VPS45: variants seen among roughly 807,000 people sequenced by gnomAD.
The protein encoded by VPS45 is vacuolar protein sorting-associated protein 45.
A neutral mutation model predicts 75.9 loss-of-function variants in VPS45; 35 were observed. The ratio of observed to expected loss-of-function variants is 0.46; its 90% CI spans 0.35 to 0.61. VPS45 has a LOEUF of 0.61. Among genes scored for constraint, VPS45 ranks in the 20% least tolerant of loss-of-function variants. VPS45 has a pLI of 0.00. For synonymous variants in VPS45, 220 were observed against 238.2 expected (o/e 0.92, Z 0.70); for missense variants, 559 against 685.9 (o/e 0.81, Z 2.07).
intron 14 of VPS45, among the ~76,000 whole-genome samples, chr1:150,119,684 C>G (rs1658130013): frequency 6.6e-6 from 1 of 152,180 alleles, no homozygotes; most frequent in African/African-American, 2.4e-5. Flanking sequence ...CCCCAATAAA[C>G]AGGAAAGAAA....
rs1654819441 is a variant in VPS45 at position 150,067,964 on chromosome 1, T to G, written c.93+14T>G. The G allele has an allele frequency of 6.2e-7, 1 of 1,613,098 alleles. No homozygotes were observed. Among genetic ancestry groups the G allele is most frequent in the Non-Finnish European group, 8.5e-7 (1 of 1,179,010 alleles). On this transcript the variant is annotated intron_variant, in intron 1 of 14. Coordinates refer to ENST00000644510, the MANE Select transcript of VPS45 (RefSeq NM_007259.5). Reference sequence around the variant, plus strand: ...GATAAAGAGACGGTGAGTTTGCTTTTGCTCAGCATTTGTGAAGGAACCCTC... The same window carrying G: ...GATAAAGAGACGGTGAGTTTGCTTTGGCTCAGCATTTGTGAAGGAACCCTC...
upstream of VPS45, chr1:150,067,682 C>A: frequency 1.7e-6 from 1 of 593,766 alleles, no homozygotes; most frequent in South Asian, 2.2e-5. Context: ...CCGGGGTAGG[C>A]TTGGTCCCCT....
rs782392804 is a variant in VPS45, at chr1:150,145,261, C to G, written c.*465C>G. The G allele has an allele frequency of 2.7e-5, 5 of 186,486 alleles. No homozygotes were observed. The highest frequency in any genetic ancestry group is 5.8e-5 in the Admixed American group (1 of 17,166). 11.6% of individuals were successfully genotyped at this position (186,486 alleles called of 1,614,324 possible). On this transcript the variant is annotated 3_prime_UTR_variant, in exon 15 of 15. Transcript: ENST00000644510. ...GCCATCCAAAAATTTTTTGTCCCTA[C>G]ATAGCAATTTTCTGTGGCACTGAGA... is the stretch of plus-strand genomic sequence containing the variant.
intron 13 of VPS45, 137 bp downstream of exon 13, chr1:150,093,785 A>G (rs1241249137): frequency 6.5e-6 from 7 of 1,072,674 alleles, no homozygotes; most frequent in Admixed American, 2.8e-5. Flanking sequence ...TTGGTTTTAC[A>G]TATGTCAGCA....
chr1:150,081,617 G>A, intron 8 of VPS45, 141 bp downstream of exon 8: 1 of 1,044,804 alleles, frequency 9.6e-7, no homozygotes, highest in South Asian at 1.6e-5. Context: ...TGCCTCTGAA[G>A]GGAAGGCAGA....
chr1:150,082,882 A>G lies in VPS45; in HGVS notation c.1103A>G (p.Gln368Arg). ...CAAAATGACCATTCTAGTGCTCTCCAGGTCAGTCCAATTTGATGAGCACCT... is the reference window on the plus strand; with the variant it reads ...CAAAATGACCATTCTAGTGCTCTCCGGGTCAGTCCAATTTGATGAGCACCT... The part of the protein sequence containing the change: ...ACQNDHSSAL[Q>R]NIKRLLQNPK... The change falls in exon 10 of 15, where the codon CAG becomes CGG. Residue 368 changes from glutamine to arginine, a missense_variant and splice_region_variant. Coordinates refer to ENST00000644510, the MANE Select transcript of VPS45 (RefSeq NM_007259.5). 6.2e-7 allele frequency: 1 copy of G among 1,613,172 alleles called. No homozygotes were observed. The highest frequency in any genetic ancestry group is 8.5e-7 in the Non-Finnish European group (1 of 1,179,496).
At chr1:150,118,103 T>A (rs781878286) in intron 14 of VPS45, among the ~76,000 whole-genome samples, 3 of 151,366 alleles carry the variant, frequency 2.0e-5, no homozygotes, top group Non-Finnish European at 4.4e-5. Context: ...CCCAACATGG[T>A]GAAACCTCGT....
intron 14 of VPS45, among the ~76,000 whole-genome samples, chr1:150,123,200 T>C (rs1197791180): frequency 6.6e-6 from 1 of 152,236 alleles, no homozygotes; most frequent in Non-Finnish European, 1.5e-5. Flanking sequence ...ATCAGTACTT[T>C]ATTCCTTTTT....
intron 1 of VPS45, 81 bp downstream of exon 1, chr1:150,068,031 G>T (rs1654823896): frequency 1.5e-6 from 2 of 1,376,200 alleles, no homozygotes; most frequent in African/African-American, 1.4e-5. Context: ...GTAGGACTTA[G>T]CATTTAATTA....
At chr1:150,131,228 G>T (rs1658816381) in intron 14 of VPS45, among the ~76,000 whole-genome samples, 4 of 152,110 alleles carry the variant, frequency 2.6e-5, no homozygotes, top group Admixed American at 2.6e-4. Flanking sequence ...TAAAATTTAG[G>T]CTGGGCATGG....
chr1:150,078,693 C>A (rs1553798648), intron 7 of VPS45, among the ~76,000 whole-genome samples: 10 of 151,978 alleles, frequency 6.6e-5, no homozygotes, highest in Admixed American at 5.9e-4. Flanking sequence ...ACCCAGGAGG[C>A]GAAGGTTGCA....
At position 150,093,517 on chromosome 1, in the gene VPS45, C is replaced by T. The variant is rs587707190; in HGVS notation, c.1372-10C>T. The T allele has an allele frequency of 6.2e-7, 1 of 1,604,468 alleles. No individual in the cohort carries two copies. Among genetic ancestry groups the T allele is most frequent in the South Asian group, 1.1e-5 (1 of 89,494 alleles). On this transcript the variant is annotated splice_polypyrimidine_tract_variant and intron_variant, in intron 12 of 14. Coordinates refer to ENST00000644510, the MANE Select transcript of VPS45 (RefSeq NM_007259.5). ...AAAAATGACATAAGAACCATTTTCCCCTGTTTTAGGGAGTAGAAAATGTAT... is the reference window on the plus strand; with the variant it reads ...AAAAATGACATAAGAACCATTTTCCTCTGTTTTAGGGAGTAGAAAATGTAT...
intron 2 of VPS45, 137 bp downstream of exon 2, chr1:150,068,901 C>A: frequency 1.1e-6 from 1 of 917,514 alleles, no homozygotes; most frequent in Non-Finnish European, 1.5e-6. Flanking sequence ...GTGTTATAAC[C>A]TTCATTTTTC....
At chr1:150,098,908 C>A in intron 13 of VPS45, 2 of 1,253,652 alleles carry the variant, frequency 1.6e-6, no homozygotes, top group South Asian at 1.3e-5. Context: ...GGAAATGGAG[C>A]TATATGATCA....
In VPS45 at chr1:150,081,371, A is replaced by C. The variant is rs782635202; in HGVS notation, c.717A>C (p.Leu239=). 3.1e-6 allele frequency: 5 copies of C among 1,607,964 alleles called. No homozygotes were observed. Among genetic ancestry groups the C allele is most frequent in the Non-Finnish European group, 4.2e-6 (5 of 1,178,258 alleles). Residue 239 remains leucine (L), a synonymous_variant, in exon 8 of 15, where the codon CTA becomes CTC. Transcript: ENST00000644510. Reference sequence around the variant, plus strand: ...CATATCAGGCCATGGTCCACGAACTACTAGGCATAAACAACAATCGGATTG... The same window carrying C: ...CATATCAGGCCATGGTCCACGAACTCCTAGGCATAAACAACAATCGGATTG... ...QWTYQAMVHE[L]LGINNNRIDL...
At chr1:150,072,362 T>C (rs1267302806) in intron 3 of VPS45, 136 bp downstream of exon 3, 1 of 644,520 alleles carries the variant, frequency 1.6e-6, no homozygotes, top group African/African-American at 1.9e-5. Flanking sequence ...CCTTCCAAAG[T>C]ATTAAAAATC....
At chr1:150,113,713 T>C (rs1657771106) in intron 14 of VPS45, among the ~76,000 whole-genome samples, 2 of 152,038 alleles carry the variant, frequency 1.3e-5, no homozygotes, top group Admixed American at 1.3e-4. Context: ...CTGGCCAACA[T>C]GGTGAAACCC....
intron 13 of VPS45, among the ~76,000 whole-genome samples, chr1:150,097,012 A>G (rs1243469788): frequency 2.0e-5 from 3 of 151,412 alleles, no homozygotes; most frequent in Non-Finnish European, 4.4e-5. Context: ...TTTTTAAATG[A>G]CATAACTCCT....
intron 14 of VPS45, among the ~76,000 whole-genome samples, chr1:150,136,785 A>G (rs1273105931): frequency 6.6e-6 from 1 of 151,710 alleles, no homozygotes; most frequent in Non-Finnish European, 1.5e-5. Context: ...AAAAAAAAAA[A>G]AAAAAGGTGT....
Sources: gnomAD v4.1 joint callset for allele counts (sites outside exome capture counted in the v4.1 genomes callset) on GRCh38, gnomAD v4.1.1 for gene constraint, MANE v1.5 for transcripts, NCBI Gene and HGNC (gene_info 2026-07-23, HGNC 2026-07-21) for gene names.